Variants in MDGA2 observed in about 807,000 individuals in gnomAD.
The protein encoded by MDGA2 is MAM domain containing glycosylphosphatidylinositol anchor 2.
MDGA2 carries 40 observed loss-of-function variants against 117.8 expected under a neutral mutation model. The observed-to-expected ratio is 0.34, with a 90% confidence interval of 0.26 to 0.44. The LOEUF is 0.44. Among genes scored for constraint, MDGA2 ranks in the 20% least tolerant of loss-of-function variants. The probability of loss-of-function intolerance (pLI) is 1.00; values close to 1 mark genes in which losing one functional copy is unlikely to be tolerated. For missense variants in MDGA2, 1,123 were observed against 1,250.6 expected (o/e 0.90, Z 1.54); for synonymous variants, 452 against 439.0 (o/e 1.03, Z -0.37).
intron 3 of MDGA2, among the ~76,000 whole-genome samples, chr14:47,161,682 T>A (rs2139277625): frequency 6.6e-6 from 1 of 151,804 alleles, no homozygotes; most frequent in African/African-American, 2.4e-5. Flanking sequence ...TAGATGCCCT[T>A]CAGGGCACAC....
At chr14:47,071,822 C>T (rs1053208447) in intron 6 of MDGA2, among the ~76,000 whole-genome samples, 5 of 152,046 alleles carry the variant, frequency 3.3e-5, no homozygotes, top group Admixed American at 1.3e-4. Context: ...TTTTCTGCAC[C>T]TGCATAAAGG....
chr14:46,916,548 T>C (rs1157932551), intron 10 of MDGA2, among the ~76,000 whole-genome samples: 3 of 152,214 alleles, frequency 2.0e-5, no homozygotes, highest in East Asian at 3.9e-4. Context: ...TCCTAAACTT[T>C]TGTTTGTAAG....
chr14:47,333,215 C>T (rs149729258), intron 1 of MDGA2, among the ~76,000 whole-genome samples: 1 of 151,988 alleles, frequency 6.6e-6, no homozygotes, highest in East Asian at 1.9e-4. Context: ...GAGAAATCTC[C>T]ATACTGTTTT....
intron 5 of MDGA2, among the ~76,000 whole-genome samples, chr14:47,099,719 C>G (rs1880190411): frequency 6.6e-6 from 1 of 151,898 alleles, no homozygotes; most frequent in Admixed American, 6.6e-5. Context: ...CATTTAATAC[C>G]TGTGTGAACT....
At chr14:47,493,892 G>T (rs2138659521) in intron 1 of MDGA2, among the ~76,000 whole-genome samples, 1 of 152,240 alleles carries the variant, frequency 6.6e-6, no homozygotes, top group South Asian at 2.1e-4. Flanking sequence ...GTGTGGTATG[G>T]TTTGGCTGTG....
intron 8 of MDGA2, among the ~76,000 whole-genome samples, chr14:47,030,262 C>T (rs946697464): frequency 6.6e-6 from 1 of 152,022 alleles, no homozygotes; most frequent in Non-Finnish European, 1.5e-5. Flanking sequence ...CCTGTCAAAT[C>T]CCAGCACTTT....
intron 1 of MDGA2, among the ~76,000 whole-genome samples, chr14:47,482,126 C>T (rs1893966624): frequency 2.0e-5 from 3 of 151,888 alleles, no homozygotes; most frequent in Admixed American, 6.6e-5. Context: ...CTCCACAGTT[C>T]GTTCTTAAAG....
intron 6 of MDGA2, among the ~76,000 whole-genome samples, chr14:47,087,415 G>T (rs1210361040): frequency 1.4e-5 from 2 of 139,982 alleles, no homozygotes; most frequent in Non-Finnish European, 3.0e-5. Context: ...TACTCTGAAG[G>T]TTGAGGCATG....
At position 47,021,691 on chromosome 14, in the gene MDGA2, T is replaced by A. The variant is rs570517504; in HGVS notation, c.1819+13320A>T. 3.9e-5 allele frequency among the ~76,000 whole-genome samples: 6 copies of A among 152,320 alleles called. No individual in the cohort carries two copies. In the South Asian group the frequency reaches 1.2e-3, roughly 32 times the overall value. On this transcript the variant is annotated intron_variant, in intron 8 of 16. Coordinates refer to ENST00000399232, the MANE Select transcript of MDGA2 (RefSeq NM_001113498.3). The stretch of plus-strand genomic sequence containing the variant: ...ATGGTTTCTGTTACATATGCATTAT[T>A]ATATAAATCAGAAAATTTTGTTGGT...
At chr14:46,922,252 T>C (rs1884161208) in intron 9 of MDGA2, among the ~76,000 whole-genome samples, 1 of 152,176 alleles carries the variant, frequency 6.6e-6, no homozygotes, top group South Asian at 2.1e-4. Flanking sequence ...CCAATGACCT[T>C]TGAATATGGA....
chr14:46,874,039 C>T lies in MDGA2; in HGVS notation c.2593+6G>A, dbSNP rs774575050. ...GCTATGAACACAAAAGGTCATACCC[C>T]CATACCTTCTTTGGAGCCACTACGG... On this transcript the variant is annotated splice_donor_region_variant and intron_variant, in intron 13 of 16. Transcript: ENST00000399232. 1.9e-6 allele frequency: 3 copies of T among 1,540,646 alleles called. No homozygotes were observed. Among genetic ancestry groups the T allele is most frequent in the Admixed American group, 2.2e-5 (1 of 45,840 alleles).
At chr14:47,137,375 G>A (rs1177627228) in intron 4 of MDGA2, among the ~76,000 whole-genome samples, 2 of 152,088 alleles carry the variant, frequency 1.3e-5, no homozygotes, top group East Asian at 3.9e-4. Context: ...TGGAGGTAGG[G>A]CCTAATGAAA....
chr14:46,864,599 G>T (rs1156546625), intron 14 of MDGA2, among the ~76,000 whole-genome samples: 12 of 27,868 alleles, frequency 4.3e-4, no homozygotes, highest in Non-Finnish European at 6.7e-4. Context: ...TTGTAACCCT[G>T]TGTCAAAAAA....
chr14:47,591,115 T>C (rs541146095), intron 1 of MDGA2, among the ~76,000 whole-genome samples: 1 of 152,178 alleles, frequency 6.6e-6, no homozygotes, highest in East Asian at 1.9e-4. Flanking sequence ...TATGGAATCT[T>C]ATAACATTTT....
Position 47,323,368 on chromosome 14 carries a change from G to C in MDGA2, c.281-21818C>G, listed in dbSNP as rs747454473. Among the ~76,000 whole-genome samples the C allele has an allele frequency of 2.2e-4, 33 of 151,956 alleles. 1 individual carries two copies. The highest frequency in any genetic ancestry group is 9.8e-4 in the Admixed American group (15 of 15,240). ...AGTCCAGGTGCAGTGGCTCACACCT[G>C]TAATCTCAGCATACTGGGAGGCCGA... is the stretch of plus-strand genomic sequence containing the variant. On this transcript the variant is annotated intron_variant, in intron 1 of 16. Coordinates refer to ENST00000399232, the MANE Select transcript of MDGA2 (RefSeq NM_001113498.3).
chr14:47,027,034 A>G (rs889129682), intron 8 of MDGA2, among the ~76,000 whole-genome samples: 4 of 151,996 alleles, frequency 2.6e-5, no homozygotes, highest in African/African-American at 9.7e-5. Flanking sequence ...TTAGCCCAGC[A>G]TGGTGGCTCA....
chr14:46,971,555 T>G (rs1375574449), intron 8 of MDGA2, among the ~76,000 whole-genome samples: 1 of 151,974 alleles, frequency 6.6e-6, no homozygotes, highest in African/African-American at 2.4e-5. Flanking sequence ...GCTTGGAAGG[T>G]GTATGGGTGG....
At chr14:47,303,681 T>C (rs1228354244) in intron 1 of MDGA2, among the ~76,000 whole-genome samples, 1 of 152,102 alleles carries the variant, frequency 6.6e-6, no homozygotes, top group Non-Finnish European at 1.5e-5. Flanking sequence ...AAAATAAATG[T>C]TCAATAGAAA....
chr14:47,027,453 A>T (rs935185088), intron 8 of MDGA2, among the ~76,000 whole-genome samples: 1 of 151,970 alleles, frequency 6.6e-6, no homozygotes, highest in African/African-American at 2.4e-5. Context: ...ATTTTAATAC[A>T]TACACTTTAT....
Sources: gnomAD v4.1 joint callset for allele counts (sites outside exome capture counted in the v4.1 genomes callset) on GRCh38, gnomAD v4.1.1 for gene constraint, MANE v1.5 for transcripts, NCBI Gene and HGNC (gene_info 2026-07-23, HGNC 2026-07-21) for gene names.